Variants in KCNRG observed in about 807,000 individuals in gnomAD.
The protein encoded by KCNRG is potassium channel regulatory protein.
A neutral mutation model predicts 17.7 loss-of-function variants in KCNRG; 17 were observed. The observed-to-expected ratio is 0.96, with a 90% CI of 0.66 to 1.44. The LOEUF (loss-of-function observed/expected upper bound fraction) is 1.44, where lower values mean the gene tolerates loss of function less well. KCNRG is among the 40% of genes most tolerant of loss of function. The pLI is 0.00. For synonymous variants in KCNRG, 97 were observed against 116.5 expected (o/e 0.83, Z 1.08); for missense variants, 311 against 321.1 (o/e 0.97, Z 0.24).
At chr13:50,018,100 C>T (rs1362396780) in intron 1 of KCNRG, 1 of 167,004 alleles carries the variant, frequency 6.0e-6, no homozygotes, top group South Asian at 2.1e-4. Context: ...TGAACTGGCT[C>T]AAATGGAAAA....
rs1642064048 is a variant in KCNRG, at chr13:50,015,793, A to G, written c.300A>G (p.Pro100=). 6.2e-7 allele frequency: 1 copy of G among 1,608,206 alleles called. No individual in the cohort carries two copies. Among genetic ancestry groups the G allele is most frequent in the Non-Finnish European group, 8.5e-7 (1 of 1,174,828 alleles). ...GTTCTCTAGTTGATCTCTTAAACCC[A>G]TACCTGCTACAGCCAAGACCTGCTC... ...ELRSLVDLLN[P]YLLQPRPALV... The change falls in exon 1 of 2, where the codon CCA becomes CCG. Residue 100 remains proline (P), a synonymous_variant. Transcript: ENST00000312942.
In KCNRG at chr13:50,015,534, A is replaced by C. The variant is rs1368561848; in HGVS notation, c.41A>C (p.Lys14Thr). 6.2e-7 allele frequency: 1 copy of C among 1,613,750 alleles called. No individual in the cohort carries two copies. The highest frequency in any genetic ancestry group is 2.2e-5 in the East Asian group (1 of 44,878). Residue 14 changes from lysine to threonine, a missense_variant, in exon 1 of 2, where the codon AAG becomes ACG. Coordinates refer to ENST00000312942, the MANE Select transcript of KCNRG (RefSeq NM_173605.2). The part of the protein sequence containing the change: ...QELVTLNVGG[K>T]IFTTRFSTIK... ...CTGGTCACTTTGAATGTGGGAGGGA[A>C]GATATTCACGACAAGGTTTTCTACG...
chr13:50,015,498 G>A lies in KCNRG; in HGVS notation c.5G>A (p.Ser2Asn). ...CTAGTTTGAAGTGAGGGAAGAATGA[G>A]TAGTCAGGAACTGGTCACTTTGAAT... M[S>N]SQELVTLNVG... Residue 2 changes from serine (S) to asparagine (N), a missense_variant, in exon 1 of 2, where the codon AGT (serine) becomes AAT (asparagine). Transcript: ENST00000312942. 1.2e-6 allele frequency: 2 copies of A among 1,603,832 alleles called. No individual in the cohort carries two copies. Among genetic ancestry groups the A allele is most frequent in the Non-Finnish European group, 1.7e-6 (2 of 1,174,154 alleles).
chr13:50,020,424 C>A lies in KCNRG; in HGVS notation c.789C>A (p.Ile263=). ...AAACACCAAAACCAGAGACTATCATCATACCAGAGCAATCTCAGATAAAGA... is the reference window on the plus strand; with the variant it reads ...AAACACCAAAACCAGAGACTATCATAATACCAGAGCAATCTCAGATAAAGA... ...TNETPKPETI[I]IPEQSQIKK The change falls in exon 2 of 2, where the codon ATC becomes ATA. Residue 263 remains isoleucine, a synonymous_variant. Transcript: ENST00000312942. The A allele has an allele frequency of 6.2e-7, 1 of 1,613,552 alleles. No homozygotes were observed. Among genetic ancestry groups the A allele is most frequent in the South Asian group, 1.1e-5 (1 of 90,998 alleles).
Position 50,015,763 on chromosome 13 carries a change from A to T in KCNRG, c.270A>T (p.Glu90Asp). The part of the protein sequence containing the change: ...LRLQREALFY[E>D]LRSLVDLLNP... ...TTCAGAGAGAGGCTCTTTTCTATGA[A>T]CTTCGTTCTCTAGTTGATCTCTTAA... Residue 90 changes from glutamate (E) to aspartate (D), a missense_variant, in exon 1 of 2, where the codon GAA (glutamate) becomes GAT (aspartate). Physicochemically the swap from Glu to Asp is conservative, Grantham distance 45 (BLOSUM62 2). Coordinates refer to ENST00000312942, the MANE Select transcript of KCNRG (RefSeq NM_173605.2). 1 of 1,614,072 alleles carries T rather than the reference A, an allele frequency of 6.2e-7. No homozygotes were observed. Among genetic ancestry groups the T allele is most frequent in the Non-Finnish European group, 8.5e-7 (1 of 1,179,980 alleles).
chr13:50,018,268 G>A (rs978223390), intron 1 of KCNRG: 3 of 166,852 alleles, frequency 1.8e-5, no homozygotes, highest in East Asian at 1.9e-4. Flanking sequence ...TTGCAAGTAC[G>A]TTCCACTTTG....
At position 50,020,496 on chromosome 13, in the gene KCNRG, G is replaced by C; in HGVS notation, c.*42G>C. 1 of 1,590,578 alleles carries C rather than the reference G, an allele frequency of 6.3e-7. No homozygotes were observed. Among genetic ancestry groups the C allele is most frequent in the South Asian group, 1.1e-5 (1 of 88,894 alleles). On this transcript the variant is annotated 3_prime_UTR_variant, in exon 2 of 2. Transcript: ENST00000312942. The stretch of plus-strand genomic sequence containing the variant: ...TTAAAGAGAAATTGCCATTTTTCTT[G>C]TTTCATTACGTATTTAGGGCATACA...
chr13:50,020,512 A>G lies in KCNRG; in HGVS notation c.*58A>G. 1 of 1,557,852 alleles carries G rather than the reference A, an allele frequency of 6.4e-7. No individual in the cohort carries two copies. Among genetic ancestry groups the G allele is most frequent in the Non-Finnish European group, 8.8e-7 (1 of 1,142,028 alleles). On this transcript the variant is annotated 3_prime_UTR_variant, in exon 2 of 2. Transcript: ENST00000312942. ...ATTTTTCTTGTTTCATTACGTATTTAGGGCATACATGTTAGCCAAATCTAC... is the reference window on the plus strand; with the variant it reads ...ATTTTTCTTGTTTCATTACGTATTTGGGGCATACATGTTAGCCAAATCTAC...
chr13:50,020,711 T>A lies in KCNRG; in HGVS notation c.*257T>A, dbSNP rs916132328. 33 of 379,078 alleles carry A rather than the reference T, an allele frequency of 8.7e-5. No homozygotes were observed. In the East Asian group the frequency reaches 1.4e-3, roughly 16 times the overall value. 23.5% of individuals were successfully genotyped at this position (379,078 alleles called of 1,614,324 possible). Reference sequence around the variant, plus strand: ...CCTTTCTCTTCTTCATGAATGCTTATGAGCCGAGATTGCGCCACTGCACAC... The same window carrying A: ...CCTTTCTCTTCTTCATGAATGCTTAAGAGCCGAGATTGCGCCACTGCACAC... On this transcript the variant is annotated 3_prime_UTR_variant, in exon 2 of 2. Coordinates refer to ENST00000312942, the MANE Select transcript of KCNRG (RefSeq NM_173605.2).
chr13:50,015,983 C>T lies in KCNRG; in HGVS notation c.490C>T (p.Leu164Phe), dbSNP rs1450778941. The stretch of plus-strand genomic sequence containing the variant: ...CTTTTTCCCTCCTCAGATGACCTTA[C>T]TTCCACTGCCTCCACAAAGACCTTC... ...GNFFPPQMTLLPLPPQRPSYH... is the reference protein window; with the variant it reads ...GNFFPPQMTLFPLPPQRPSYH... Residue 164 changes from leucine (L) to phenylalanine (F), a missense_variant, in exon 1 of 2, where the codon CTT (leucine) becomes TTT (phenylalanine). Transcript: ENST00000312942. The T allele has an allele frequency of 1.2e-6, 2 of 1,614,094 alleles. No homozygotes were observed. The highest frequency in any genetic ancestry group is 2.2e-5 in the South Asian group (2 of 91,082).
intron 1 of KCNRG, 138 bp downstream of exon 1, chr13:50,016,209 G>A (rs1301111509): frequency 7.8e-6 from 5 of 638,266 alleles, no homozygotes; most frequent in South Asian, 2.2e-5. Context: ...GTGGAGTTGG[G>A]TAGAATGACC....
At chr13:50,016,201 G>T (rs1293558862) in intron 1 of KCNRG, 130 bp downstream of exon 1, 4 of 681,972 alleles carry the variant, frequency 5.9e-6, no homozygotes, top group African/African-American at 3.6e-5. Flanking sequence ...GGTAACCAGT[G>T]GAGTTGGGTA....
chr13:50,018,997 C>G (rs1280514619), intron 1 of KCNRG: 1 of 152,494 alleles, frequency 6.6e-6, no homozygotes, highest in Non-Finnish European at 1.5e-5. Context: ...AGGCTGGTCT[C>G]AAACTCCCGA....
Position 50,015,929 on chromosome 13 carries a change from C to A in KCNRG, c.436C>A (p.Gln146Lys), listed in dbSNP as rs1457073478. 4.3e-6 allele frequency: 7 copies of A among 1,613,976 alleles called. No homozygotes were observed. The East Asian group carries it at 1.3e-4, about 31-fold the overall frequency. ...AGGGAGGATTACAGTGTTTACAGAA[C>A]AACCTTCAGCGCCGACCTGGAATGG... Reference protein sequence around the residue: ...LTGRITVFTEQPSAPTWNGNF... With the variant: ...LTGRITVFTEKPSAPTWNGNF... The change falls in exon 1 of 2, where the codon CAA (glutamine) becomes AAA (lysine). Residue 146 changes from glutamine to lysine, a missense_variant. By Grantham distance (53) the Gln-to-Lys change is moderately conservative (BLOSUM62 1). Transcript: ENST00000312942.
chr13:50,018,966 C>CG (rs1876957203), intron 1 of KCNRG: 1 of 152,304 alleles, frequency 6.6e-6, no homozygotes, highest in Non-Finnish European at 1.5e-5. Flanking sequence ...TTAGTAGAGA[C>CG]GGAGTTTCAC....
chr13:50,020,101 A>T, intron 1 of KCNRG, 113 bp from the exon 2 acceptor site: 1 of 958,084 alleles, frequency 1.0e-6, no homozygotes, highest in Non-Finnish European at 1.6e-6. Flanking sequence ...CAAAAAAAAA[A>T]TCTGTCTTGA....
In KCNRG at chr13:50,015,815, G is replaced by A; in HGVS notation, c.322G>A (p.Ala108Thr). 6.2e-7 allele frequency: 1 copy of A among 1,614,084 alleles called. No homozygotes were observed. The highest frequency in any genetic ancestry group is 8.5e-7 in the Non-Finnish European group (1 of 1,179,986). The change falls in exon 1 of 2, where the codon GCT becomes ACT. Residue 108 changes from alanine to threonine, a missense_variant. Coordinates refer to ENST00000312942, the MANE Select transcript of KCNRG (RefSeq NM_173605.2). Reference sequence around the variant, plus strand: ...CCCATACCTGCTACAGCCAAGACCTGCTCTTGTGGAGGTACATTTCCTAAG... The same window carrying A: ...CCCATACCTGCTACAGCCAAGACCTACTCTTGTGGAGGTACATTTCCTAAG... ...LNPYLLQPRP[A>T]LVEVHFLSRN...
At position 50,020,203 on chromosome 13, in the gene KCNRG, G is replaced by A; in HGVS notation, c.579-11G>A. 6.2e-7 allele frequency: 1 copy of A among 1,608,546 alleles called. No homozygotes were observed. Among genetic ancestry groups the A allele is most frequent in the Non-Finnish European group, 8.5e-7 (1 of 1,177,938 alleles). ...ATGCTTTATAATTAAGCTTCTTTTT[G>A]TGTGTCCTAGGTATGTTTCTATAAA... On this transcript the variant is annotated splice_polypyrimidine_tract_variant and intron_variant, in intron 1 of 1. Transcript: ENST00000312942.
intron 1 of KCNRG, chr13:50,017,468 T>G (rs1017648894): frequency 6.0e-6 from 1 of 167,138 alleles, no homozygotes; most frequent in African/African-American, 2.4e-5. Flanking sequence ...CTTTTTATGT[T>G]GTGTTTTAGA....
Sources: allele counts gnomAD v4.1 joint callset, GRCh38; gene constraint gnomAD v4.1.1; transcripts MANE v1.5; gene names NCBI Gene and HGNC (gene_info 2026-07-23, HGNC 2026-07-21).